Variants in PRRX2 observed in about 807,000 individuals in gnomAD.
The protein encoded by PRRX2 is paired related homeobox 2.
A neutral mutation model predicts 18.0 loss-of-function variants in PRRX2; 11 were observed. That is an observed-to-expected ratio of 0.61 (90% confidence interval 0.39 to 1.01). The LOEUF (loss-of-function observed/expected upper bound fraction) is 1.01, where lower values mean the gene tolerates loss of function less well. PRRX2 is among the 50% of genes least tolerant of loss of function. The pLI is 0.01. For synonymous variants in PRRX2, 177 were observed against 154.8 expected, an observed-to-expected ratio of 1.14 and a Z score of -1.06; for missense variants, 387 against 351.0, an observed-to-expected ratio of 1.10 and a Z score of -0.82.
intron 3 of PRRX2, 143 bp from the exon 4 acceptor site, chr9:129,722,074 C>T: frequency 8.2e-7 from 1 of 1,222,238 alleles, no homozygotes. Context: ...AACCCTACAG[C>T]TCCAAATCAC....
At chr9:129,678,164 AC>A (rs1399703243) in intron 1 of PRRX2, among the ~76,000 whole-genome samples, 2 of 151,532 alleles carry the variant, frequency 1.3e-5, no homozygotes, top group African/African-American at 4.9e-5. Flanking sequence ...GGGTTTTGTC[AC>A]GTTGGCCAGG....
intron 1 of PRRX2, 57 bp from the exon 2 acceptor site, chr9:129,719,174 C>T: frequency 6.9e-7 from 1 of 1,447,626 alleles, no homozygotes; most frequent in East Asian, 2.5e-5. Context: ...GGGGGCTGAA[C>T]TGTGACTGTA....
At position 129,671,141 on chromosome 9, in the gene PRRX2, CTCTGAGCCTGGG is replaced by C. The variant is rs1030340579; in HGVS notation, c.259+5023_259+5034del. The stretch of plus-strand genomic sequence containing the variant: ...GGCGTGTCTCCCTGGGATGTGGGGT[CTCTGAGCCTGGG>C]TCTGAGCTGGGCCTGGTGCCTGGAC... On this transcript the variant is annotated intron_variant, in intron 1 of 3. Transcript: ENST00000372469. The surrounding 1 kb of genome is among the most constrained non-coding windows in gnomAD (Gnocchi z 4.0). 6.6e-5 allele frequency among the ~76,000 whole-genome samples: 10 copies of C among 152,316 alleles called. No individual in the cohort carries two copies. The highest frequency in any genetic ancestry group is 2.6e-4 in the Admixed American group (4 of 15,308).
At chr9:129,676,659 C>G (rs909830350) in intron 1 of PRRX2, among the ~76,000 whole-genome samples, 1 of 152,190 alleles carries the variant, frequency 6.6e-6, no homozygotes, top group African/African-American at 2.4e-5. Flanking sequence ...GATGAGCTCC[C>G]TAGCCCTCAC....
At chr9:129,686,336 G>A (rs551539982) in intron 1 of PRRX2, among the ~76,000 whole-genome samples, 46 of 152,320 alleles carry the variant, frequency 3.0e-4, no homozygotes, top group Non-Finnish European at 5.9e-4. Flanking sequence ...GTATCTGGAT[G>A]CAGACCTCCT....
intron 1 of PRRX2, among the ~76,000 whole-genome samples, chr9:129,708,011 C>T (rs1280546657): frequency 2.0e-5 from 3 of 152,116 alleles, no homozygotes; most frequent in Non-Finnish European, 4.4e-5. Flanking sequence ...TCTCCACTTC[C>T]TGGCCAGCAC....
chr9:129,706,582 T>G (rs1832560391), intron 1 of PRRX2, among the ~76,000 whole-genome samples: 1 of 151,584 alleles, frequency 6.6e-6, no homozygotes, highest in Non-Finnish European at 1.5e-5. Context: ...AAAATAATTA[T>G]TTGAGCATGG....
intron 1 of PRRX2, among the ~76,000 whole-genome samples, chr9:129,711,894 T>A (rs184604002): frequency 2.0e-5 from 3 of 152,292 alleles, no homozygotes; most frequent in African/African-American, 7.2e-5. Flanking sequence ...GCCACTTGTG[T>A]CCTTGCTGAT....
chr9:129,696,876 C>T (rs1415775985), intron 1 of PRRX2, among the ~76,000 whole-genome samples: 1 of 152,176 alleles, frequency 6.6e-6, no homozygotes, highest in African/African-American at 2.4e-5. Flanking sequence ...GGTGTGTGGG[C>T]TAGCAGTTGA....
chr9:129,707,654 G>A (rs1020440949), intron 1 of PRRX2, among the ~76,000 whole-genome samples: 2 of 151,932 alleles, frequency 1.3e-5, no homozygotes, highest in South Asian at 2.1e-4. Context: ...AACCCGGTAC[G>A]GTGATGTGCG....
chr9:129,719,950 G>A (rs749089415), intron 2 of PRRX2, among the ~76,000 whole-genome samples: 1 of 152,160 alleles, frequency 6.6e-6, no homozygotes, highest in Non-Finnish European at 1.5e-5. Flanking sequence ...TTGCGCCACT[G>A]CACTCCAGCC....
At chr9:129,688,634 ACTCTGT>A (rs1308237113) in intron 1 of PRRX2, among the ~76,000 whole-genome samples, 1 of 152,102 alleles carries the variant, frequency 6.6e-6, no homozygotes, top group African/African-American at 2.4e-5. Flanking sequence ...CATTTCTGTC[ACTCTGT>A]CTCCTGCCAT....
intron 1 of PRRX2, among the ~76,000 whole-genome samples, chr9:129,688,966 C>T (rs940971972): frequency 1.3e-5 from 2 of 152,172 alleles, no homozygotes; most frequent in African/African-American, 4.8e-5. Flanking sequence ...TGGAATCATA[C>T]AGAATAGAAT....
At chr9:129,668,778 C>CAAAAAAAAAA (rs562855941) in intron 1 of PRRX2, among the ~76,000 whole-genome samples, 2 of 58,650 alleles carry the variant, frequency 3.4e-5, no homozygotes, top group African/African-American at 5.7e-5. Context: ...GACTCCATCT[C>CAAAAAAAAAA]AAAAAAAAAA....
rs1301524977 is a variant in PRRX2 at position 129,709,428 on chromosome 9, C to T, written c.260-9803C>T. On this transcript the variant is annotated intron_variant, in intron 1 of 3. Transcript: ENST00000372469. This position sits in a 1 kb window ranked among gnomAD's most constrained non-coding sequence, Gnocchi z 4.2. ...AAACTCCAGGGTCATCCTGAGCCTG[C>T]GGAGGCCACACTAGCCACCATTCTT... Among the ~76,000 whole-genome samples, 1 of 152,160 alleles carries T rather than the reference C, an allele frequency of 6.6e-6. No homozygotes were observed. Among genetic ancestry groups the T allele is most frequent in the Non-Finnish European group, 1.5e-5 (1 of 68,046 alleles).
chr9:129,720,815 G>C, intron 3 of PRRX2, 41 bp downstream of exon 3: 1 of 1,495,442 alleles, frequency 6.7e-7, no homozygotes, highest in African/African-American at 1.4e-5. Context: ...GGGGCAGCTC[G>C]AGGAATCCCA....
chr9:129,681,464 G>A (rs1347283859), intron 1 of PRRX2, among the ~76,000 whole-genome samples: 1 of 152,144 alleles, frequency 6.6e-6, no homozygotes, highest in Non-Finnish European at 1.5e-5. Flanking sequence ...AGGTTGTAGT[G>A]AGCCAGGATC....
intron 2 of PRRX2, among the ~76,000 whole-genome samples, chr9:129,719,993 T>TAAAC (rs140710401): frequency 9.9e-5 from 15 of 151,874 alleles, no homozygotes; most frequent in East Asian, 9.7e-4. Flanking sequence ...TCTCAATAAA[T>TAAAC]AAACAAACAA....
chr9:129,697,955 G>A (rs1202215186), intron 1 of PRRX2, among the ~76,000 whole-genome samples: 1 of 152,046 alleles, frequency 6.6e-6, no homozygotes, highest in Admixed American at 6.5e-5. Context: ...AGGGGAGCGT[G>A]GAGGTTGGAG....
Sources: allele counts gnomAD v4.1 joint callset (sites outside exome capture counted in the v4.1 genomes callset), GRCh38; gene constraint gnomAD v4.1.1; non-coding constraint Gnocchi (gnomAD v3.1); transcripts MANE v1.5; gene names NCBI Gene and HGNC (gene_info 2026-07-23, HGNC 2026-07-21).